Variants in FBXO11 observed in about 807,000 individuals in gnomAD.
FBXO11 encodes F-box protein 11.
A neutral mutation model predicts 117.0 loss-of-function variants in FBXO11; 13 were observed. That is an observed-to-expected ratio of 0.11 (90% CI 0.07 to 0.18). The LOEUF (loss-of-function observed/expected upper bound fraction) is 0.18, where lower values mean the gene tolerates loss of function less well. Among genes scored for constraint, FBXO11 ranks in the 10% least tolerant of loss-of-function variants. The probability of loss-of-function intolerance (pLI) is 1.00; values close to 1 mark genes in which losing one functional copy is unlikely to be tolerated. For missense variants in FBXO11, 767 were observed against 1,164.4 expected, an observed-to-expected ratio of 0.66 and a Z score of 4.97; for synonymous variants, 490 against 380.5, an observed-to-expected ratio of 1.29 and a Z score of -3.35.
chr2:47,904,104 T>A (rs1158548307), intron 1 of FBXO11, among the ~76,000 whole-genome samples: 1 of 152,210 alleles, frequency 6.6e-6, no homozygotes, highest in Non-Finnish European at 1.5e-5. Flanking sequence ...CTTCATTTGT[T>A]AAATATTGTG....
chr2:47,883,685 C>G (rs935867522), intron 1 of FBXO11: 1 of 267,132 alleles, frequency 3.7e-6, no homozygotes, highest in Non-Finnish European at 7.6e-6. Context: ...GTGATGTTAT[C>G]AAGGAAGAAT....
intron 1 of FBXO11, among the ~76,000 whole-genome samples, chr2:47,864,805 A>C (rs1408448879): frequency 1.3e-5 from 2 of 152,236 alleles, no homozygotes; most frequent in African/African-American, 4.8e-5. Flanking sequence ...ATTGAAAAGA[A>C]GCAAAGCCTT....
intron 1 of FBXO11, among the ~76,000 whole-genome samples, chr2:47,894,495 G>T (rs1158966046): frequency 6.6e-6 from 1 of 152,146 alleles, no homozygotes; most frequent in African/African-American, 2.4e-5. Flanking sequence ...GCAAAAGGAA[G>T]CAAGTTTTTG....
At chr2:47,826,047 G>C (rs1298485433) in intron 11 of FBXO11, among the ~76,000 whole-genome samples, 1 of 152,026 alleles carries the variant, frequency 6.6e-6, no homozygotes, top group African/African-American at 2.4e-5. Flanking sequence ...AGAGACTCAA[G>C]TACATCCACA....
At chr2:47,829,900 A>G (rs1401038350) in intron 11 of FBXO11, among the ~76,000 whole-genome samples, 2 of 152,210 alleles carry the variant, frequency 1.3e-5, no homozygotes, top group Non-Finnish European at 2.9e-5. Context: ...GAGTCATTAC[A>G]CTATTCTCTC....
At chr2:47,904,168 A>C (rs1372196864) in intron 1 of FBXO11, among the ~76,000 whole-genome samples, 1 of 152,240 alleles carries the variant, frequency 6.6e-6, no homozygotes, top group Non-Finnish European at 1.5e-5. Flanking sequence ...ATTTTAAAAA[A>C]CATTTAATCT....
chr2:47,896,909 C>G (rs1272830795), intron 1 of FBXO11, among the ~76,000 whole-genome samples: 2 of 152,168 alleles, frequency 1.3e-5, no homozygotes, highest in Non-Finnish European at 2.9e-5. Context: ...ACTTCTATTT[C>G]TCTCAACAAA....
intron 7 of FBXO11, among the ~76,000 whole-genome samples, chr2:47,833,616 C>G (rs1486752996): frequency 2.0e-5 from 3 of 152,154 alleles, no homozygotes; most frequent in African/African-American, 4.8e-5. Context: ...AAAAAAACCA[C>G]AAATCTTCAA....
At chr2:47,894,227 G>A (rs1677482280) in intron 1 of FBXO11, among the ~76,000 whole-genome samples, 1 of 151,728 alleles carries the variant, frequency 6.6e-6, no homozygotes, top group Non-Finnish European at 1.5e-5. Context: ...GGAACGGAAA[G>A]GTCCAGTCAA....
chr2:47,822,962 C>T (rs973279497), intron 12 of FBXO11, among the ~76,000 whole-genome samples, 181 bp downstream of exon 12: 1 of 152,046 alleles, frequency 6.6e-6, no homozygotes, highest in Admixed American at 6.6e-5. Context: ...AATAAAAACA[C>T]CAAAAAATAA....
intron 20 of FBXO11, 63 bp from the exon 21 acceptor site, chr2:47,809,329 T>G: frequency 9.4e-7 from 1 of 1,059,784 alleles, no homozygotes. Context: ...AAACCAAAGA[T>G]TATAGGATTA....
At chr2:47,863,903 T>C (rs1674987431) in intron 1 of FBXO11, among the ~76,000 whole-genome samples, 1 of 150,004 alleles carries the variant, frequency 6.7e-6, no homozygotes, top group African/African-American at 2.5e-5. Context: ...ATTGTGCCAA[T>C]GCACTCCAAC....
intron 1 of FBXO11, among the ~76,000 whole-genome samples, 153 bp from the exon 2 acceptor site, chr2:47,839,922 G>A (rs1192846516): frequency 6.6e-6 from 1 of 151,958 alleles, no homozygotes; most frequent in Non-Finnish European, 1.5e-5. Context: ...TGAAAGAAAT[G>A]TTAGATTTCT....
chr2:47,866,732 A>G (rs1675228092), intron 1 of FBXO11, among the ~76,000 whole-genome samples: 1 of 152,100 alleles, frequency 6.6e-6, no homozygotes, highest in Non-Finnish European at 1.5e-5. Context: ...TCGGCCTCCC[A>G]AAGTGCTGGG....
At chr2:47,824,906 C>G (rs1440691870) in intron 11 of FBXO11, among the ~76,000 whole-genome samples, 1 of 152,152 alleles carries the variant, frequency 6.6e-6, no homozygotes, top group Non-Finnish European at 1.5e-5. Flanking sequence ...ACTCTCTTTC[C>G]TCTTTAAAAT....
chr2:47,834,348 T>A (rs1318163264), intron 7 of FBXO11, among the ~76,000 whole-genome samples: 2 of 149,850 alleles, frequency 1.3e-5, no homozygotes, highest in Admixed American at 1.3e-4. Flanking sequence ...AGACTCTGCA[T>A]CAAAAAAACA....
Position 47,807,139 on chromosome 2 carries a change from GTATAGGGCTGTATA to G in FBXO11, c.*965_*978del. 2.5e-6 allele frequency: 1 copy of G among 402,706 alleles called. No homozygotes were observed. The allele number at this position is 402,706 out of a possible 1,614,324, so 24.9% of individuals were successfully genotyped here. A position where few individuals can be genotyped will look rare whatever the true frequency, so the allele number is the denominator to read the frequency against. ...ATGGGGGAGGAAAAGCTATGAAACT[GTATAGGGCTGTATA>G]TATACTTGTCTCAGCTTAATGCAGG... On this transcript the variant is annotated 3_prime_UTR_variant, in exon 23 of 23. Coordinates refer to ENST00000403359, the MANE Select transcript of FBXO11 (RefSeq NM_001190274.2).
At chr2:47,809,361 T>A in intron 20 of FBXO11, 95 bp from the exon 21 acceptor site, 1 of 798,874 alleles carries the variant, frequency 1.3e-6, no homozygotes, top group Non-Finnish European at 2.0e-6. Context: ...GAGCCACTAT[T>A]TTTAAGAGCT....
At chr2:47,889,005 C>A in intron 1 of FBXO11, among the ~76,000 whole-genome samples, 1 of 152,222 alleles carries the variant, frequency 6.6e-6, no homozygotes, top group Non-Finnish European at 1.5e-5. Context: ...TATGAACACA[C>A]CTTGGACTAG....
Sources: gnomAD v4.1 joint callset for allele counts (sites outside exome capture counted in the v4.1 genomes callset) on GRCh38, gnomAD v4.1.1 for gene constraint, MANE v1.5 for transcripts, NCBI Gene and HGNC (gene_info 2026-07-23, HGNC 2026-07-21) for gene names.